The following KCND3 variants were observed in gnomAD, a reference collection of about 807,000 sequenced individuals.
The protein encoded by KCND3 is potassium voltage-gated channel subfamily D member 3.
KCND3 carries 9 observed loss-of-function variants against 51.1 expected under a neutral mutation model. The ratio of observed to expected loss-of-function variants is 0.18; its 90% CI spans 0.11 to 0.31. KCND3 has a LOEUF of 0.31. Ranked by LOEUF, KCND3 falls within the 10% of genes least tolerant of loss-of-function variation. The pLI is 1.00. For missense variants in KCND3, 526 were observed against 903.8 expected, an observed-to-expected ratio of 0.58 and a Z score of 5.36; for synonymous variants, 349 against 368.0, an observed-to-expected ratio of 0.95 and a Z score of 0.59.
intron 2 of KCND3, among the ~76,000 whole-genome samples, chr1:111,802,500 CTTAGATCTCTAAGCT>C (rs943463382): frequency 1.3e-5 from 2 of 152,216 alleles, no homozygotes; most frequent in African/African-American, 4.8e-5. Context: ...GGGGCAGCGA[CTTAGATCTCTAAGCT>C]TTAGATCCTT....
rs1226688448 is a variant in KCND3 at position 111,770,868 on chromosome 1, TTTC to T, written c.*5206_*5208del. 5 of 152,174 alleles carry T rather than the reference TTTC, an allele frequency of 3.3e-5. No homozygotes were observed. The East Asian group carries it at 9.6e-4, about 29-fold the overall frequency. The allele number at this position is 152,174 out of a possible 1,614,324, so 9.4% of individuals were successfully genotyped here. ...TCTTCCTGCAGTTTTGTACAGTATATTTCTTCTTTGCCATTGTGATGTTGATAA... is the reference window on the plus strand; with the variant it reads ...TCTTCCTGCAGTTTTGTACAGTATATTTCTTTGCCATTGTGATGTTGATAA... On this transcript the variant is annotated 3_prime_UTR_variant, in exon 8 of 8. Coordinates refer to ENST00000302127, the MANE Select transcript of KCND3 (RefSeq NM_001378969.1).
rs1489317828 is a variant in KCND3 at position 111,780,732 on chromosome 1, G to C, written c.1329C>G (p.His443Gln). The C allele has an allele frequency of 1.2e-6, 2 of 1,613,342 alleles. No homozygotes were observed. The highest frequency in any genetic ancestry group is 1.1e-5 in the South Asian group (1 of 90,596). The change falls in exon 4 of 8, where the codon CAC (histidine) becomes CAG (glutamine). Residue 443 changes from histidine to glutamine, a missense_variant. Physicochemically the swap from His to Gln is conservative, Grantham distance 24. Around this residue, in one of 5 missense-constraint regions of KCND3, gnomAD observed 266 missense variants for 305.5 expected, o/e 0.87. Transcript: ENST00000302127. The surrounding 1 kb of genome is among the most constrained non-coding windows in gnomAD (Gnocchi z 4.2). ...AKTGSSNAYLHSKRNGLLNEA... is the reference protein window; with the variant it reads ...AKTGSSNAYLQSKRNGLLNEA... ...CGTTGAGGAGCCCGTTGCGCTTGCT[G>C]TGCAGGTATGCATTCGAACTGCCTG...
chr1:111,799,925 G>T (rs1225708793), intron 2 of KCND3, among the ~76,000 whole-genome samples: 1 of 152,130 alleles, frequency 6.6e-6, no homozygotes, highest in Non-Finnish European at 1.5e-5. Flanking sequence ...AATGAAAATT[G>T]GGCCCCCCCG....
intron 2 of KCND3, among the ~76,000 whole-genome samples, chr1:111,923,908 G>C (rs1038387747): frequency 6.6e-6 from 1 of 152,212 alleles, no homozygotes; most frequent in Non-Finnish European, 1.5e-5. Context: ...CCACCATGCA[G>C]AGGGGGCTGG....
At chr1:111,950,004 G>A (rs1157935932) in intron 2 of KCND3, among the ~76,000 whole-genome samples, 5 of 152,118 alleles carry the variant, frequency 3.3e-5, no homozygotes, top group African/African-American at 9.7e-5. Context: ...TCCACCTCCC[G>A]GGTTCGAGCA....
intron 2 of KCND3, among the ~76,000 whole-genome samples, chr1:111,838,679 A>AAACAAC (rs376997509): frequency 5.0e-4 from 76 of 151,956 alleles, no homozygotes; most frequent in South Asian, 3.1e-3. Flanking sequence ...ACAAAAGCAA[A>AAACAAC]AACAACAACA....
chr1:111,776,524 A>G (rs1664122590), intron 7 of KCND3, among the ~76,000 whole-genome samples: 1 of 152,212 alleles, frequency 6.6e-6, no homozygotes, highest in Non-Finnish European at 1.5e-5. Context: ...GTGATTGTAT[A>G]TCTATCATTT....
At chr1:111,792,565 C>T (rs1280848584) in intron 2 of KCND3, among the ~76,000 whole-genome samples, 1 of 152,110 alleles carries the variant, frequency 6.6e-6, no homozygotes, top group Non-Finnish European at 1.5e-5. Context: ...TGGTTAAAAG[C>T]GTGGTCTCTG....
chr1:111,911,942 A>G (rs1229052762), intron 2 of KCND3, among the ~76,000 whole-genome samples: 1 of 152,242 alleles, frequency 6.6e-6, no homozygotes, highest in East Asian at 1.9e-4. Flanking sequence ...GAGCCAAAAC[A>G]GAGCCCAGAA....
chr1:111,982,610 A>G lies in KCND3; in HGVS notation c.117T>C (p.Asp39=), dbSNP rs12720446. The change falls in exon 2 of 8, where the codon GAT becomes GAC. Residue 39 remains aspartate, a synonymous_variant. Coordinates refer to ENST00000302127, the MANE Select transcript of KCND3 (RefSeq NM_001378969.1). This position sits in a 1 kb window ranked among gnomAD's most constrained non-coding sequence, Gnocchi z 8.5. ...CACTCACGTTGAGGACAATCAGCTC[A>G]TCCTGCCGCTTGTTCTTGTCGGCCG... The part of the protein sequence containing the change: ...LAPADKNKRQ[D]ELIVLNVSGR... 347 of 1,611,802 alleles carry G rather than the reference A, an allele frequency of 2.2e-4. No homozygotes were observed. The African/African-American group carries it at 4.1e-3, about 19-fold the overall frequency.
At chr1:111,862,332 A>T (rs1668370824) in intron 2 of KCND3, among the ~76,000 whole-genome samples, 1 of 152,296 alleles carries the variant, frequency 6.6e-6, no homozygotes, top group South Asian at 2.1e-4. Flanking sequence ...ATTCAAAAAT[A>T]AATGGGCATA....
intron 2 of KCND3, among the ~76,000 whole-genome samples, chr1:111,880,881 C>T (rs920952837): frequency 6.6e-6 from 1 of 151,928 alleles, no homozygotes; most frequent in African/African-American, 2.4e-5. Context: ...AAGAATGAAC[C>T]GTTTTTTTTA....
chr1:111,981,658 A>G lies in KCND3; in HGVS notation c.1069T>C (p.Ser357Pro), dbSNP rs1424358968. The G allele has an allele frequency of 6.2e-7, 1 of 1,614,134 alleles. No homozygotes were observed. ...SASKFTSIPA[S>P]FWYTIVTMTT... The stretch of plus-strand genomic sequence containing the variant: ...ATGGTGACAATGGTGTACCAAAACG[A>G]GGCAGGGATGCTTGTGAACTTGCTG... Residue 357 changes from serine to proline, a missense_variant, in exon 2 of 8, where the codon TCG (serine) becomes CCG (proline). This residue lies in a region of KCND3 where 48 missense variants were observed against 228.5 expected (regional missense o/e 0.21). Transcript: ENST00000302127. This position sits in a 1 kb window ranked among gnomAD's most constrained non-coding sequence, Gnocchi z 6.2.
intron 2 of KCND3, among the ~76,000 whole-genome samples, chr1:111,843,768 C>T (rs1453802808): frequency 1.3e-5 from 2 of 152,204 alleles, no homozygotes; most frequent in Non-Finnish European, 1.5e-5. Context: ...CACGGTGTTA[C>T]TGCTGCTCCT....
chr1:111,807,972 C>G (rs968643937), intron 2 of KCND3, among the ~76,000 whole-genome samples: 1 of 152,026 alleles, frequency 6.6e-6, no homozygotes, highest in African/African-American at 2.4e-5. Context: ...AAAAAGTGAC[C>G]TAGAAATGTT....
chr1:111,808,006 A>G (rs1665660914), intron 2 of KCND3, among the ~76,000 whole-genome samples: 2 of 152,256 alleles, frequency 1.3e-5, no homozygotes, highest in African/African-American at 4.8e-5. Context: ...TACAAATTCT[A>G]GAACTAAAAA....
chr1:111,890,544 T>C (rs1457634874), intron 2 of KCND3, among the ~76,000 whole-genome samples: 1 of 152,178 alleles, frequency 6.6e-6, no homozygotes, highest in African/African-American at 2.4e-5. Context: ...AGAACTCAGA[T>C]GGGTATGTAA....
intron 2 of KCND3, among the ~76,000 whole-genome samples, chr1:111,824,976 T>C (rs1666510547): frequency 6.6e-6 from 1 of 152,208 alleles, no homozygotes; most frequent in African/African-American, 2.4e-5. Context: ...ATTGGCTTTC[T>C]GTGTGGCAAG....
At chr1:111,827,515 A>G (rs79522345) in intron 2 of KCND3, among the ~76,000 whole-genome samples, 2,881 of 152,334 alleles carry the variant, frequency 0.019, 88 homozygotes, top group African/African-American at 0.064. Context: ...TGGAATTCCA[A>G]TGAGGGCCAG....
Sources: allele counts gnomAD v4.1 joint callset (sites outside exome capture counted in the v4.1 genomes callset), GRCh38; gene constraint gnomAD v4.1.1; regional missense constraint gnomAD v4.1.1; non-coding constraint Gnocchi (gnomAD v3.1); transcripts MANE v1.5; gene names NCBI Gene and HGNC (gene_info 2026-07-23, HGNC 2026-07-21).